The following JAM2 variants were observed in gnomAD, a reference collection of about 807,000 sequenced individuals.
JAM2 encodes the protein junctional adhesion molecule B.
Under a neutral mutation model 42.0 loss-of-function variants are expected in JAM2, and 17 were observed. That is an observed-to-expected ratio of 0.40 (90% CI 0.28 to 0.61). The LOEUF (loss-of-function observed/expected upper bound fraction) is 0.61. JAM2 is among the 20% of genes least tolerant of loss of function. JAM2 has a pLI of 0.37. For missense variants in JAM2, 319 were observed against 358.3 expected, an observed-to-expected ratio of 0.89 and a Z score of 0.89; for synonymous variants, 118 against 128.6, an observed-to-expected ratio of 0.92 and a Z score of 0.56.
chr21:25,639,811 G>A lies in JAM2; in HGVS notation c.-11G>A, dbSNP rs778615781. ...GACCTCCTCAGAGCAGCCGGCTGCC[G>A]CCCCGGGAAGATGGCGAGGAGGAGC... On this transcript the variant is annotated 5_prime_UTR_variant, in exon 1 of 10. Coordinates refer to ENST00000480456, the MANE Select transcript of JAM2 (RefSeq NM_021219.4). 1.3e-6 allele frequency: 2 copies of A among 1,573,950 alleles called. No individual in the cohort carries two copies. The highest frequency in any genetic ancestry group is 8.6e-7 in the Non-Finnish European group (1 of 1,163,148).
chr21:25,652,068 A>G (rs2032798371), intron 1 of JAM2, among the ~76,000 whole-genome samples: 1 of 152,190 alleles, frequency 6.6e-6, no homozygotes. Context: ...GCCTTCCCTA[A>G]AAATGGAAAA....
At chr21:25,655,350 ATTTTTTTTTT>A (rs751257378) in intron 1 of JAM2, among the ~76,000 whole-genome samples, 2 of 100,202 alleles carry the variant, frequency 2.0e-5, no homozygotes, top group African/African-American at 7.7e-5. Flanking sequence ...CTGAAATTCT[ATTTTTTTTTT>A]TTTTTTTTTT....
At chr21:25,706,221 C>T (rs2034268805) in intron 7 of JAM2, 135 bp downstream of exon 7, 2 of 631,476 alleles carry the variant, frequency 3.2e-6, no homozygotes, top group Non-Finnish European at 5.7e-6. Flanking sequence ...CTCTGTTGCC[C>T]AGGCTGGAGT....
At chr21:25,662,382 TCAAA>T in intron 1 of JAM2, among the ~76,000 whole-genome samples, 1 of 151,974 alleles carries the variant, frequency 6.6e-6, no homozygotes, top group Middle Eastern at 3.4e-3. Context: ...AGCCCTGGGC[TCAAA>T]CAGTCCTCCA....
intron 3 of JAM2, among the ~76,000 whole-genome samples, chr21:25,693,320 C>A (rs1568911106): frequency 6.6e-6 from 1 of 151,026 alleles, no homozygotes; most frequent in Non-Finnish European, 1.5e-5. Flanking sequence ...TGCAGTGACA[C>A]AATCTCGGCT....
intron 5 of JAM2, among the ~76,000 whole-genome samples, chr21:25,700,589 G>A (rs2034145279): frequency 1.3e-5 from 2 of 152,156 alleles, no homozygotes; most frequent in Admixed American, 6.5e-5. Context: ...TTGAACTCCT[G>A]ACCTCAAGTG....
intron 6 of JAM2, among the ~76,000 whole-genome samples, chr21:25,705,695 A>G (rs750795418): frequency 6.6e-6 from 1 of 152,234 alleles, no homozygotes; most frequent in African/African-American, 2.4e-5. Context: ...TAATCCTGTG[A>G]ATTATTACAC....
At chr21:25,661,212 G>A (rs927527893) in intron 1 of JAM2, among the ~76,000 whole-genome samples, 1 of 152,124 alleles carries the variant, frequency 6.6e-6, no homozygotes, top group African/African-American at 2.4e-5. Context: ...CAGCACTTTG[G>A]GAGGTGGAGA....
chr21:25,691,705 A>G (rs540992895), intron 3 of JAM2, among the ~76,000 whole-genome samples: 1 of 152,156 alleles, frequency 6.6e-6, no homozygotes, highest in East Asian at 1.9e-4. Flanking sequence ...TAGAAAGGGA[A>G]TGAGGCAAGC....
chr21:25,704,822 C>T (rs953497895), intron 6 of JAM2, among the ~76,000 whole-genome samples: 1 of 152,150 alleles, frequency 6.6e-6, no homozygotes, highest in Admixed American at 6.5e-5. Context: ...TAGCCTGTTA[C>T]ATAGTTGTTT....
At chr21:25,677,100 G>A (rs1347023508) in intron 1 of JAM2, among the ~76,000 whole-genome samples, 2 of 151,982 alleles carry the variant, frequency 1.3e-5, no homozygotes. Flanking sequence ...TACAATGTAT[G>A]TTTGGATGAC....
At chr21:25,706,736 A>AT (rs1395228168) in intron 7 of JAM2, among the ~76,000 whole-genome samples, 5 of 151,866 alleles carry the variant, frequency 3.3e-5, no homozygotes, top group South Asian at 2.1e-4. Context: ...TGTTTTTAAG[A>AT]TTTTTTTTTG....
intron 1 of JAM2, among the ~76,000 whole-genome samples, chr21:25,682,635 G>A (rs563602720): frequency 2.0e-5 from 3 of 152,342 alleles, no homozygotes; most frequent in Admixed American, 6.5e-5. Flanking sequence ...CAGCTAAACG[G>A]ACCCTCTGCC....
intron 4 of JAM2, among the ~76,000 whole-genome samples, chr21:25,695,277 C>T (rs1289604051): frequency 6.6e-6 from 1 of 152,218 alleles, no homozygotes; most frequent in Non-Finnish European, 1.5e-5. Flanking sequence ...GCACACGTTT[C>T]AGAGAGCACG....
intron 7 of JAM2, among the ~76,000 whole-genome samples, chr21:25,709,144 G>T (rs1280016863): frequency 4.0e-5 from 6 of 151,060 alleles, no homozygotes; most frequent in African/African-American, 1.5e-4. Flanking sequence ...TATTATTATT[G>T]TTATTATTAT....
intron 1 of JAM2, among the ~76,000 whole-genome samples, chr21:25,662,028 A>C (rs1304366147): frequency 6.6e-6 from 1 of 152,208 alleles, no homozygotes; most frequent in Non-Finnish European, 1.5e-5. Flanking sequence ...AGTTAAGGTA[A>C]GGATAGTTTT....
At chr21:25,681,960 T>C (rs926071768) in intron 1 of JAM2, among the ~76,000 whole-genome samples, 3 of 152,182 alleles carry the variant, frequency 2.0e-5, no homozygotes, top group African/African-American at 7.2e-5. Flanking sequence ...CCAGCCTGGG[T>C]GACAGAGCGA....
intron 5 of JAM2, among the ~76,000 whole-genome samples, chr21:25,699,084 G>A (rs1293807484): frequency 1.3e-5 from 2 of 152,198 alleles, no homozygotes; most frequent in South Asian, 2.1e-4. Flanking sequence ...AACAGAGACT[G>A]AGGGAGCTGA....
intron 2 of JAM2, among the ~76,000 whole-genome samples, chr21:25,687,560 A>G (rs1338468139): frequency 6.6e-6 from 1 of 152,190 alleles, no homozygotes; most frequent in Non-Finnish European, 1.5e-5. Context: ...TATTGACCCC[A>G]TGATTCCAGT....
Sources: allele counts gnomAD v4.1 joint callset (sites outside exome capture counted in the v4.1 genomes callset), GRCh38; gene constraint gnomAD v4.1.1; transcripts MANE v1.5; gene names NCBI Gene and HGNC (gene_info 2026-07-23, HGNC 2026-07-21).